Variants in DCTN5 observed in about 807,000 individuals in gnomAD.
DCTN5 encodes the protein dynactin 4.
In DCTN5, 14 loss-of-function variants were observed where a neutral mutation model predicts 23.5. That is an observed-to-expected ratio of 0.60 (90% CI 0.39 to 0.93). The LOEUF (loss-of-function observed/expected upper bound fraction) is 0.93, where lower values mean the gene tolerates loss of function less well. DCTN5 is among the 40% of genes least tolerant of loss of function. The pLI, the probability that DCTN5 is intolerant of heterozygous loss-of-function variation, is 0.00. For synonymous variants in DCTN5, 67 were observed against 79.6 expected, an observed-to-expected ratio of 0.84 and a Z score of 0.84; for missense variants, 156 against 225.9, an observed-to-expected ratio of 0.69 and a Z score of 1.98.
chr16:23,657,859 C>A (rs1967738124), intron 2 of DCTN5, among the ~76,000 whole-genome samples: 1 of 152,210 alleles, frequency 6.6e-6, no homozygotes, highest in South Asian at 2.1e-4. Context: ...ATGTCCCTTG[C>A]TTACTTTTTC....
At chr16:23,644,335 C>T (rs561968621) in intron 2 of DCTN5, among the ~76,000 whole-genome samples, 11 of 144,558 alleles carry the variant, frequency 7.6e-5, no homozygotes, top group African/African-American at 2.8e-4. Context: ...GAGTCTCGCC[C>T]TGTTGCCCAG....
At position 23,667,228 on chromosome 16, in the gene DCTN5, T is replaced by C. The variant is rs1453855229; in HGVS notation, c.*84T>C. On this transcript the variant is annotated 3_prime_UTR_variant, in exon 6 of 6. Transcript: ENST00000300087. ...GAGCCAGTCAGCACCTACAAAGAGC[T>C]TTTGTGTCTTTGACATCTACCACCC... The C allele has an allele frequency of 2.7e-5, 42 of 1,550,282 alleles. No homozygotes were observed. The highest frequency in any genetic ancestry group is 3.3e-5 in the Non-Finnish European group (37 of 1,134,968).
intron 2 of DCTN5, among the ~76,000 whole-genome samples, chr16:23,651,307 G>A (rs948493475): frequency 3.3e-5 from 5 of 152,044 alleles, no homozygotes; most frequent in African/African-American, 9.7e-5. Flanking sequence ...TTAACACCCC[G>A]TTACCTCTGT....
At position 23,676,569 on chromosome 16, in the gene DCTN5, A is replaced by G. The variant is rs1177463962; in HGVS notation, c.*9425A>G. ...AAGACTCCATCTCAACAACAACAAC[A>G]AAAAGGAATTAAGGAGGAAGCCACC... On this transcript the variant is annotated 3_prime_UTR_variant, in exon 6 of 6. Transcript: ENST00000300087. 1 of 152,098 alleles carries G rather than the reference A, an allele frequency of 6.6e-6. No individual in the cohort carries two copies. Among genetic ancestry groups the G allele is most frequent in the Non-Finnish European group, 1.5e-5 (1 of 68,120 alleles). The allele number at this position is 152,098 out of a possible 1,614,324, so 9.4% of individuals were successfully genotyped here. A position where few individuals can be genotyped will look rare whatever the true frequency, so the allele number is the denominator to read the frequency against.
At chr16:23,656,086 G>C (rs1161232850) in intron 2 of DCTN5, among the ~76,000 whole-genome samples, 2 of 152,124 alleles carry the variant, frequency 1.3e-5, no homozygotes, top group Non-Finnish European at 2.9e-5. Context: ...AAATTAGCCA[G>C]GTCTAGTGGC....
Position 23,675,604 on chromosome 16 carries a change from A to G in DCTN5, c.*8460A>G, listed in dbSNP as rs1466861713. On this transcript the variant is annotated 3_prime_UTR_variant, in exon 6 of 6. Coordinates refer to ENST00000300087, the MANE Select transcript of DCTN5 (RefSeq NM_032486.4). ...CTGAGAGTAAGAGATGGTTGAAAAA[A>G]TGCAATGTTATGATTGCTGAACAGG... The G allele has an allele frequency of 6.6e-6, 1 of 152,208 alleles. No homozygotes were observed. The highest frequency in any genetic ancestry group is 1.5e-5 in the Non-Finnish European group (1 of 68,032). The allele number at this position is 152,208 out of a possible 1,614,324, so 9.4% of individuals were successfully genotyped here.
rs1567237121 is a variant in DCTN5 at position 23,674,742 on chromosome 16, A to G, written c.*7598A>G. ...AAAATTCAGGGTTTCATCCTTTATT[A>G]GTTTGCTAAGGATACCATAACAAAG... is the stretch of plus-strand genomic sequence containing the variant. On this transcript the variant is annotated 3_prime_UTR_variant, in exon 6 of 6. Coordinates refer to ENST00000300087, the MANE Select transcript of DCTN5 (RefSeq NM_032486.4). 1 of 152,244 alleles carries G rather than the reference A, an allele frequency of 6.6e-6. No homozygotes were observed. The highest frequency in any genetic ancestry group is 1.5e-5 in the Non-Finnish European group (1 of 68,044). The allele number at this position is 152,244 out of a possible 1,614,324, so 9.4% of individuals were successfully genotyped here.
intron 2 of DCTN5, among the ~76,000 whole-genome samples, chr16:23,645,259 C>A (rs750012881): frequency 6.7e-6 from 1 of 149,944 alleles, no homozygotes; most frequent in Admixed American, 6.7e-5. Context: ...CTCAGACTCC[C>A]CAGTTACAGG....
intron 5 of DCTN5, 115 bp from the exon 6 acceptor site, chr16:23,666,932 T>C: frequency 6.6e-7 from 1 of 1,507,588 alleles, no homozygotes; most frequent in Non-Finnish European, 8.9e-7. Context: ...TCAGCGATTA[T>C]TTAAGTGATT....
chr16:23,652,345 A>G (rs1156512975), intron 2 of DCTN5, among the ~76,000 whole-genome samples: 1 of 152,150 alleles, frequency 6.6e-6, no homozygotes, highest in Non-Finnish European at 1.5e-5. Context: ...CAAATTCAAC[A>G]TTTCAAAATT....
chr16:23,646,205 A>G (rs1048540120), intron 2 of DCTN5, among the ~76,000 whole-genome samples: 1 of 152,058 alleles, frequency 6.6e-6, no homozygotes, highest in Non-Finnish European at 1.5e-5. Flanking sequence ...ACATCTTTGA[A>G]TGTTGCTTGT....
chr16:23,645,131 A>G (rs71374501), intron 2 of DCTN5, among the ~76,000 whole-genome samples: 1 of 22,332 alleles, frequency 4.5e-5, no homozygotes, highest in African/African-American at 2.3e-4. Context: ...ATATATATAT[A>G]TATATATTTT....
chr16:23,651,500 C>T (rs539572773), intron 2 of DCTN5, among the ~76,000 whole-genome samples: 1 of 152,274 alleles, frequency 6.6e-6, no homozygotes, highest in Non-Finnish European at 1.5e-5. Flanking sequence ...TTCTTTATTT[C>T]CAGATTAAGC....
At chr16:23,665,453 T>A (rs777286286) in intron 4 of DCTN5, among the ~76,000 whole-genome samples, 173 bp from the exon 5 acceptor site, 18 of 152,136 alleles carry the variant, frequency 1.2e-4, no homozygotes, top group Non-Finnish European at 2.2e-4. Flanking sequence ...AAACACACAC[T>A]CTCACAACCT....
Position 23,667,401 on chromosome 16 carries a change from C to G in DCTN5, c.*257C>G. On this transcript the variant is annotated 3_prime_UTR_variant, in exon 6 of 6. Transcript: ENST00000300087. ...ATGAACAGTCACTTTGTACCATTAT[C>G]TGTGGAACACAGAATCATCTGTTCC... is the stretch of plus-strand genomic sequence containing the variant. 1 of 482,536 alleles carries G rather than the reference C, an allele frequency of 2.1e-6. No homozygotes were observed. The highest frequency in any genetic ancestry group is 3.8e-6 in the Non-Finnish European group (1 of 265,276). 29.9% of individuals were successfully genotyped at this position (482,536 alleles called of 1,614,324 possible).
intron 1 of DCTN5, among the ~76,000 whole-genome samples, chr16:23,642,080 C>T (rs1219972853): frequency 2.6e-5 from 4 of 151,992 alleles, no homozygotes; most frequent in Admixed American, 6.6e-5. Context: ...TACAGGCGCC[C>T]GCCACCACGC....
chr16:23,670,457 C>T lies in DCTN5; in HGVS notation c.*3313C>T, dbSNP rs1967985355. 1 of 152,162 alleles carries T rather than the reference C, an allele frequency of 6.6e-6. No individual in the cohort carries two copies. The highest frequency in any genetic ancestry group is 2.4e-5 in the African/African-American group (1 of 41,426). The allele number at this position is 152,162 out of a possible 1,614,324, so 9.4% of individuals were successfully genotyped here. A position where few individuals can be genotyped will look rare whatever the true frequency, so the allele number is the denominator to read the frequency against. Reference sequence around the variant, plus strand: ...AGTTTCTCAGCTATAAGGAAGAGGTCTTGGTGGCTAGGGAGGCCTTTCTCT... The same window carrying T: ...AGTTTCTCAGCTATAAGGAAGAGGTTTTGGTGGCTAGGGAGGCCTTTCTCT... On this transcript the variant is annotated 3_prime_UTR_variant, in exon 6 of 6. Transcript: ENST00000300087.
In DCTN5 at chr16:23,667,238, T is replaced by C. The variant is rs1967924351; in HGVS notation, c.*94T>C. 1 of 1,505,044 alleles carries C rather than the reference T, an allele frequency of 6.6e-7. No individual in the cohort carries two copies. The highest frequency in any genetic ancestry group is 1.2e-5 in the South Asian group (1 of 86,474). The allele number at this position is 1,505,044 out of a possible 1,614,324, so 93.2% of individuals were successfully genotyped here. On this transcript the variant is annotated 3_prime_UTR_variant, in exon 6 of 6. Coordinates refer to ENST00000300087, the MANE Select transcript of DCTN5 (RefSeq NM_032486.4). ...GCACCTACAAAGAGCTTTTGTGTCT[T>C]TGACATCTACCACCCTCCTCCTTTT...
chr16:23,659,624 T>A (rs1180880927), intron 3 of DCTN5, among the ~76,000 whole-genome samples: 1 of 152,176 alleles, frequency 6.6e-6, no homozygotes, highest in Admixed American at 6.5e-5. Flanking sequence ...TGACCATGGT[T>A]AGGAAGGAAC....
Sources: gnomAD v4.1 joint callset for allele counts (sites outside exome capture counted in the v4.1 genomes callset) on GRCh38, gnomAD v4.1.1 for gene constraint, MANE v1.5 for transcripts, NCBI Gene and HGNC (gene_info 2026-07-23, HGNC 2026-07-21) for gene names.